ANKS1B: variants seen among roughly 807,000 people sequenced by gnomAD.
ANKS1B encodes ankyrin repeat and sterile alpha motif domain-containing protein 1B.
In ANKS1B, 36 loss-of-function variants were observed where a neutral mutation model predicts 148.3. That is an observed-to-expected ratio of 0.24 (90% CI 0.19 to 0.32). The LOEUF is 0.32. ANKS1B is among the 10% of genes least tolerant of loss of function. ANKS1B has a pLI of 1.00. For synonymous variants in ANKS1B, 542 were observed against 560.8 expected, an observed-to-expected ratio of 0.97 and a Z score of 0.47; for missense variants, 1,157 against 1,542.6, an observed-to-expected ratio of 0.75 and a Z score of 4.19.
At chr12:99,163,467 CTGTGTGTG>C (rs146637164) in intron 14 of ANKS1B, among the ~76,000 whole-genome samples, 27 of 135,106 alleles carry the variant, frequency 2.0e-4, no homozygotes, top group Non-Finnish European at 2.9e-4. Context: ...TACATGCACT[CTGTGTGTG>C]TGTGTGTGTG....
At chr12:98,954,455 TTTAGGATGCGATTGAGCCA>T (rs2153093048) in intron 17 of ANKS1B, 1 of 152,330 alleles carries the variant, frequency 6.6e-6, no homozygotes, top group South Asian at 2.1e-4. Flanking sequence ...AAGTGAAGCC[TTTAGGATGCGATTGAGCCA>T]TTAGGGCTCC....
At chr12:99,601,017 T>C (rs1227275087) in intron 9 of ANKS1B, among the ~76,000 whole-genome samples, 1 of 152,110 alleles carries the variant, frequency 6.6e-6, no homozygotes. Flanking sequence ...CCATGCCAGA[T>C]AGTAGTCATA....
intron 17 of ANKS1B, among the ~76,000 whole-genome samples, chr12:99,051,081 G>T (rs1032828294): frequency 6.6e-6 from 1 of 152,118 alleles, no homozygotes; most frequent in African/African-American, 2.4e-5. Flanking sequence ...CGGCAGTAAA[G>T]CCAGGGGCCG....
intron 4 of ANKS1B, among the ~76,000 whole-genome samples, chr12:99,797,660 A>AG (rs891523265): frequency 6.6e-6 from 1 of 151,726 alleles, no homozygotes; most frequent in Non-Finnish European, 1.5e-5. Context: ...AGCACCTTTT[A>AG]GGGGAAAAAA....
At chr12:99,527,753 C>T (rs1297799675) in intron 9 of ANKS1B, among the ~76,000 whole-genome samples, 1 of 152,018 alleles carries the variant, frequency 6.6e-6, no homozygotes, top group Non-Finnish European at 1.5e-5. Context: ...ATAGTATCTG[C>T]TTCAAGGTTT....
At chr12:99,323,984 G>A (rs1205335208) in intron 12 of ANKS1B, among the ~76,000 whole-genome samples, 4 of 152,060 alleles carry the variant, frequency 2.6e-5, no homozygotes, top group Non-Finnish European at 5.9e-5. Flanking sequence ...TATAGCACCA[G>A]TATGATTTTG....
At chr12:99,145,920 G>T (rs2072913908) in intron 15 of ANKS1B, among the ~76,000 whole-genome samples, 2 of 152,062 alleles carry the variant, frequency 1.3e-5, no homozygotes, top group South Asian at 4.1e-4. Flanking sequence ...GTATTGGTGA[G>T]AATTATATGG....
chr12:99,041,286 C>T (rs1411002454), intron 17 of ANKS1B, among the ~76,000 whole-genome samples: 3 of 152,108 alleles, frequency 2.0e-5, no homozygotes, highest in Non-Finnish European at 2.9e-5. Context: ...TGGTTGCACA[C>T]CCACTCTGAG....
intron 1 of ANKS1B, among the ~76,000 whole-genome samples, chr12:99,853,319 C>T (rs1464521441): frequency 1.3e-5 from 2 of 152,122 alleles, no homozygotes; most frequent in Non-Finnish European, 2.9e-5. Context: ...CAAGGACCCC[C>T]ATAGAGTCCG....
At chr12:99,736,727 G>A (rs905883057) in intron 8 of ANKS1B, among the ~76,000 whole-genome samples, 2 of 152,066 alleles carry the variant, frequency 1.3e-5, no homozygotes, top group African/African-American at 4.8e-5. Context: ...CTTCTGCACA[G>A]CAAAGGAAAC....
chr12:98,962,815 C>A (rs572273086), intron 17 of ANKS1B, among the ~76,000 whole-genome samples: 5 of 152,000 alleles, frequency 3.3e-5, no homozygotes, highest in South Asian at 4.1e-4. Flanking sequence ...TAAAAACACA[C>A]GGAAATTAAA....
At chr12:99,176,777 C>A (rs898846001) in intron 14 of ANKS1B, among the ~76,000 whole-genome samples, 1 of 152,056 alleles carries the variant, frequency 6.6e-6, no homozygotes, top group Non-Finnish European at 1.5e-5. Context: ...CCATTTTCTC[C>A]GTGTGAGATG....
At chr12:99,044,395 A>AGTC (rs1178316017) in intron 17 of ANKS1B, among the ~76,000 whole-genome samples, 10 of 149,240 alleles carry the variant, frequency 6.7e-5, no homozygotes, top group Admixed American at 6.6e-4. Flanking sequence ...TCCCTCTCAC[A>AGTC]TTTACAAAGT....
At chr12:99,663,649 C>T (rs1181054153) in intron 8 of ANKS1B, among the ~76,000 whole-genome samples, 1 of 151,998 alleles carries the variant, frequency 6.6e-6, no homozygotes, top group East Asian at 1.9e-4. Flanking sequence ...GAGTACATCT[C>T]CTAGTATCTG....
At position 98,754,316 on chromosome 12, in the gene ANKS1B, CAA is replaced by C. The variant is rs561806955; in HGVS notation, c.3580-2796_3580-2795del. 7.9e-4 allele frequency among the ~76,000 whole-genome samples: 121 copies of C among 152,330 alleles called. 1 individual carries two copies. Among genetic ancestry groups the C allele is most frequent in the African/African-American group, 2.3e-3 (95 of 41,564 alleles). ...GGAGACAGCTCTGACCATCACTGCACAAAGAGGGCTGAGCTCTTTCCACTGCC... is the reference window on the plus strand; with the variant it reads ...GGAGACAGCTCTGACCATCACTGCACAGAGGGCTGAGCTCTTTCCACTGCC... On this transcript the variant is annotated intron_variant, in intron 25 of 26. Transcript: ENST00000683438.
chr12:99,041,744 T>C (rs1032369869), intron 17 of ANKS1B, among the ~76,000 whole-genome samples: 1 of 152,182 alleles, frequency 6.6e-6, no homozygotes, highest in African/African-American at 2.4e-5. Context: ...CTCATGCCTG[T>C]AATCCCAGCA....
chr12:99,837,617 A>T (rs1470731162), intron 1 of ANKS1B, among the ~76,000 whole-genome samples: 9 of 152,174 alleles, frequency 5.9e-5, no homozygotes, highest in Admixed American at 5.9e-4. Flanking sequence ...TAAATGAAGA[A>T]CTGAAGAGCA....
At chr12:98,857,445 A>C (rs560067826) in intron 17 of ANKS1B, among the ~76,000 whole-genome samples, 2 of 152,122 alleles carry the variant, frequency 1.3e-5, no homozygotes, top group East Asian at 3.9e-4. Context: ...TTGAGGAGGG[A>C]GAGTGGGAAG....
intron 1 of ANKS1B, among the ~76,000 whole-genome samples, chr12:99,969,175 G>A (rs1480137787): frequency 6.6e-6 from 1 of 152,034 alleles, no homozygotes; most frequent in African/African-American, 2.4e-5. Flanking sequence ...ATTCCACACT[G>A]GGTTTTTGTG....
Sources: allele counts gnomAD v4.1 joint callset (sites outside exome capture counted in the v4.1 genomes callset), GRCh38; gene constraint gnomAD v4.1.1; transcripts MANE v1.5; gene names NCBI Gene and HGNC (gene_info 2026-07-23, HGNC 2026-07-21).